The following GRM1 variants were observed in gnomAD, a reference collection of about 807,000 sequenced individuals.
The protein encoded by GRM1 is metabotropic glutamate receptor 1.
In GRM1, 33 loss-of-function variants were observed where a neutral mutation model predicts 90.9. That is an observed-to-expected ratio of 0.36 (90% CI 0.28 to 0.49). GRM1 has a LOEUF of 0.49. Ranked by LOEUF, GRM1 falls within the 20% of genes least tolerant of loss-of-function variation. The pLI is 0.99. For missense variants in GRM1, 1,190 were observed against 1,534.3 expected (o/e 0.78, Z 3.75); for synonymous variants, 700 against 613.2 (o/e 1.14, Z -2.09).
chr6:146,036,855 G>A (rs979503849), intron 1 of GRM1, among the ~76,000 whole-genome samples: 5 of 151,646 alleles, frequency 3.3e-5, no homozygotes, highest in Non-Finnish European at 5.9e-5. Context: ...AAATAAACAC[G>A]TGACTATTAT....
At chr6:146,176,016 A>G (rs1271043738) in intron 2 of GRM1, among the ~76,000 whole-genome samples, 1 of 152,132 alleles carries the variant, frequency 6.6e-6, no homozygotes, top group East Asian at 1.9e-4. Context: ...GTTATTCTGA[A>G]GATTAAATAA....
intron 7 of GRM1, among the ~76,000 whole-genome samples, chr6:146,402,307 A>G (rs1276281709): frequency 6.6e-6 from 1 of 152,154 alleles, no homozygotes; most frequent in Non-Finnish European, 1.5e-5. Flanking sequence ...TACGGAAAAC[A>G]ATCATCTGTT....
At position 146,389,224 on chromosome 6, in the gene GRM1, A is replaced by C. The variant is rs362916; in HGVS notation, c.1729+2208A>C. On this transcript the variant is annotated intron_variant, in intron 6 of 7. Transcript: ENST00000282753. ...TCACAGCTGACTAGGAAAAAGCTCAAAGACAAAAGTGACCTCTTTATGAGG... is the reference window on the plus strand; with the variant it reads ...TCACAGCTGACTAGGAAAAAGCTCACAGACAAAAGTGACCTCTTTATGAGG... Among the ~76,000 whole-genome samples, 1,054 of 152,156 alleles carry C rather than the reference A, an allele frequency of 6.9e-3. 9 individuals carry two copies. The highest frequency in any genetic ancestry group is 0.034 in the Middle Eastern group (10 of 294).
At chr6:146,395,335 T>C (rs1401507107) in intron 6 of GRM1, among the ~76,000 whole-genome samples, 1 of 152,118 alleles carries the variant, frequency 6.6e-6, no homozygotes, top group African/African-American at 2.4e-5. Flanking sequence ...CTTTTTAAGT[T>C]AGTTGTTGAG....
intron 7 of GRM1, among the ~76,000 whole-genome samples, chr6:146,417,333 CT>C (rs1425437441): frequency 6.6e-6 from 1 of 152,078 alleles, no homozygotes; most frequent in East Asian, 1.9e-4. Flanking sequence ...TTAGTTTGCC[CT>C]GGGGTACTAC....
At chr6:146,160,417 ATCTT>A (rs1218091497) in intron 2 of GRM1, among the ~76,000 whole-genome samples, 1 of 152,174 alleles carries the variant, frequency 6.6e-6, no homozygotes, top group Non-Finnish European at 1.5e-5. Flanking sequence ...CCTAACAGAT[ATCTT>A]GTTTAATTTG....
At chr6:146,060,270 C>G (rs901850272) in intron 1 of GRM1, among the ~76,000 whole-genome samples, 1 of 151,874 alleles carries the variant, frequency 6.6e-6, no homozygotes, top group Non-Finnish European at 1.5e-5. Flanking sequence ...ATTTCAGGCT[C>G]AGGTGTACAT....
intron 1 of GRM1, among the ~76,000 whole-genome samples, chr6:146,038,655 C>T (rs1790981118): frequency 1.3e-5 from 2 of 151,838 alleles, no homozygotes; most frequent in Non-Finnish European, 2.9e-5. Context: ...TCATTCTCTC[C>T]CTTTATAAAA....
intron 2 of GRM1, among the ~76,000 whole-genome samples, chr6:146,206,251 T>C (rs1779489507): frequency 6.6e-6 from 1 of 152,056 alleles, no homozygotes; most frequent in African/African-American, 2.4e-5. Flanking sequence ...GGGAAGAGAA[T>C]GTTTACAGTG....
At chr6:146,398,663 A>T (rs1299496779) in intron 6 of GRM1, 106 bp from the exon 7 acceptor site, 1 of 832,386 alleles carries the variant, frequency 1.2e-6, no homozygotes, top group African/African-American at 1.7e-5. Flanking sequence ...AAATGCTGTA[A>T]ATCATGAAGG....
chr6:146,088,277 T>C (rs566805399), intron 1 of GRM1, among the ~76,000 whole-genome samples: 58 of 152,270 alleles, frequency 3.8e-4, no homozygotes, highest in African/African-American at 1.3e-3. Flanking sequence ...ATTTTCTAAT[T>C]GGATTGTTTG....
chr6:146,260,809 T>TTTTTTTTTTTG (rs1781666210), intron 2 of GRM1, among the ~76,000 whole-genome samples: 1 of 95,964 alleles, frequency 1.0e-5, no homozygotes, highest in African/African-American at 6.5e-5. Flanking sequence ...TTTGGGTTTT[T>TTTTTTTTTTTG]TTTTTTTTTT....
At chr6:146,231,911 C>T (rs543481625) in intron 2 of GRM1, among the ~76,000 whole-genome samples, 9 of 152,034 alleles carry the variant, frequency 5.9e-5, no homozygotes, top group East Asian at 5.8e-4. Flanking sequence ...TTTCTGTAAG[C>T]GTACATCTTA....
At chr6:146,191,147 A>T (rs1251800578) in intron 2 of GRM1, among the ~76,000 whole-genome samples, 1 of 152,114 alleles carries the variant, frequency 6.6e-6, no homozygotes, top group Non-Finnish European at 1.5e-5. Flanking sequence ...TCATTGATTC[A>T]TCTTCTCCAC....
chr6:146,267,897 T>G (rs1781978827), intron 2 of GRM1, among the ~76,000 whole-genome samples: 1 of 152,188 alleles, frequency 6.6e-6, no homozygotes, highest in South Asian at 2.1e-4. Context: ...TCAGGATTAA[T>G]ACCTTGTATC....
chr6:146,217,759 T>C (rs1779923502), intron 2 of GRM1, among the ~76,000 whole-genome samples: 1 of 152,082 alleles, frequency 6.6e-6, no homozygotes, highest in South Asian at 2.1e-4. Context: ...AATTACAATA[T>C]AAAATGAAAG....
At chr6:146,400,694 G>T (rs1777126824) in intron 7 of GRM1, among the ~76,000 whole-genome samples, 1 of 152,026 alleles carries the variant, frequency 6.6e-6, no homozygotes, top group Non-Finnish European at 1.5e-5. Context: ...AAGTTCTAAA[G>T]GTAACCGAAG....
At chr6:146,258,529 C>CT (rs1331596991) in intron 2 of GRM1, among the ~76,000 whole-genome samples, 9 of 151,518 alleles carry the variant, frequency 5.9e-5, no homozygotes, top group East Asian at 1.9e-4. Flanking sequence ...TTTTATTCAC[C>CT]TTTTTTTTGA....
intron 3 of GRM1, among the ~76,000 whole-genome samples, chr6:146,344,106 C>T (rs575197559): frequency 6.6e-6 from 1 of 152,296 alleles, no homozygotes; most frequent in South Asian, 2.1e-4. Flanking sequence ...CAACCCTTTC[C>T]CTGTACCACA....
Sources: allele counts gnomAD v4.1 joint callset (sites outside exome capture counted in the v4.1 genomes callset), GRCh38; gene constraint gnomAD v4.1.1; transcripts MANE v1.5; gene names NCBI Gene and HGNC (gene_info 2026-07-23, HGNC 2026-07-21).